NUMA1: variants seen among roughly 807,000 people sequenced by gnomAD.
NUMA1 encodes the protein SP-H antigen.
In NUMA1, 62 loss-of-function variants were observed where a neutral mutation model predicts 237.1. That is an observed-to-expected ratio of 0.26 (90% CI 0.21 to 0.32). The LOEUF is 0.32. Among genes scored for constraint, NUMA1 ranks in the 10% least tolerant of loss-of-function variants. The pLI is 1.00. For synonymous variants in NUMA1, 1,028 were observed against 1,066.1 expected, an observed-to-expected ratio of 0.96 and a Z score of 0.70; for missense variants, 2,533 against 2,666.5, an observed-to-expected ratio of 0.95 and a Z score of 1.10.
At chr11:72,043,357 CTT>C (rs35559801) in intron 2 of NUMA1, among the ~76,000 whole-genome samples, 2,547 of 105,594 alleles carry the variant, frequency 0.024, 94 homozygotes, top group African/African-American at 0.078. Flanking sequence ...AGGCGGAGTT[CTT>C]TTTTTTTTTT....
At chr11:72,025,903 A>T (rs1220603122) in intron 4 of NUMA1, among the ~76,000 whole-genome samples, 1 of 152,158 alleles carries the variant, frequency 6.6e-6, no homozygotes, top group Non-Finnish European at 1.5e-5. Context: ...CTACCCACCC[A>T]CAATCTGGAA....
chr11:72,064,350 T>TA (rs1185127419), intron 2 of NUMA1, among the ~76,000 whole-genome samples: 2 of 151,118 alleles, frequency 1.3e-5, no homozygotes, highest in African/African-American at 4.9e-5. Flanking sequence ...GTAGTTCAGC[T>TA]ACTTGGGAAG....
Position 72,004,314 on chromosome 11 carries a change from G to A in NUMA1, c.6034C>T (p.Arg2012Cys), listed in dbSNP as rs11538639. ...ESKKATSCFPRPMTPRDRHEG... is the reference protein window; with the variant it reads ...ESKKATSCFPCPMTPRDRHEG... Reference sequence around the variant, plus strand: ...TGTCGGTCTCGGGGAGTCATGGGGCGTGGGAAACAGCTGGTGGCCTTCTTA... The same window carrying A: ...TGTCGGTCTCGGGGAGTCATGGGGCATGGGAAACAGCTGGTGGCCTTCTTA... The change falls in exon 25 of 27, where the codon CGC becomes TGC. Residue 2012 changes from arginine to cysteine, a missense_variant. Physicochemically the swap from Arg to Cys is radical, Grantham distance 180 (BLOSUM62 -3). This residue lies in a region of NUMA1 where 795 missense variants were observed against 750.8 expected (regional missense o/e 1.06). Coordinates refer to ENST00000393695, the MANE Select transcript of NUMA1 (RefSeq NM_006185.4). The A allele has an allele frequency of 2.0e-5, 32 of 1,613,082 alleles. No homozygotes were observed. The highest frequency in any genetic ancestry group is 5.0e-5 in the Admixed American group (3 of 59,524).
intron 24 of NUMA1, 121 bp downstream of exon 24, chr11:72,004,519 G>A: frequency 7.9e-7 from 1 of 1,268,536 alleles, no homozygotes; most frequent in Non-Finnish European, 1.1e-6. Context: ...TCAGGCCCTT[G>A]GAGAGAGGGA....
At chr11:72,004,958 T>G (rs1955588057) in intron 23 of NUMA1, 142 bp from the exon 24 acceptor site, 2 of 880,996 alleles carry the variant, frequency 2.3e-6, no homozygotes, top group Middle Eastern at 3.5e-4. Context: ...ACACAAGGCC[T>G]CCTTTCCTGT....
At position 72,013,107 on chromosome 11, in the gene NUMA1, C is replaced by G; in HGVS notation, c.4396G>C (p.Glu1466Gln). Residue 1466 changes from glutamate (E) to glutamine (Q), a missense_variant, in exon 15 of 27, where the codon GAA becomes CAA. By Grantham distance (29) the Glu-to-Gln change is conservative (BLOSUM62 2). This residue lies in a region of NUMA1 where 324 missense variants were observed against 407.6 expected (regional missense o/e 0.79). Transcript: ENST00000393695. The surrounding 1 kb of genome is among the most constrained non-coding windows in gnomAD (Gnocchi z 6.8). ...TCCCGGGCCTGGTCCAACTCCACTT[C>G]CAGAAACTGCCGGCCAAGGTTGGCC... ...ERANLGRQFLEVELDQAREKY... is the reference protein window; with the variant it reads ...ERANLGRQFLQVELDQAREKY... The G allele has an allele frequency of 6.2e-7, 1 of 1,614,216 alleles. No homozygotes were observed. Among genetic ancestry groups the G allele is most frequent in the Non-Finnish European group, 8.5e-7 (1 of 1,180,038 alleles).
intron 2 of NUMA1, chr11:72,040,718 G>A (rs918612967): frequency 4.6e-5 from 7 of 152,186 alleles, no homozygotes; most frequent in African/African-American, 1.7e-4. Flanking sequence ...TCTACGCAAG[G>A]GGGAAAGAAA....
At chr11:72,032,158 C>T (rs979860354) in intron 3 of NUMA1, among the ~76,000 whole-genome samples, 4 of 151,948 alleles carry the variant, frequency 2.6e-5, no homozygotes, top group African/African-American at 4.8e-5. Flanking sequence ...AAGACCCTAT[C>T]TCAAAAAGCG....
At chr11:72,071,543 C>T (rs1465454560) in intron 1 of NUMA1, among the ~76,000 whole-genome samples, 1 of 152,090 alleles carries the variant, frequency 6.6e-6, no homozygotes, top group Admixed American at 6.5e-5. Flanking sequence ...TCAATGAATC[C>T]TGAATTTTAA....
At chr11:72,048,673 G>A (rs934744055) in intron 2 of NUMA1, among the ~76,000 whole-genome samples, 17 of 151,936 alleles carry the variant, frequency 1.1e-4, no homozygotes, top group Non-Finnish European at 2.2e-4. Flanking sequence ...GTGCCAGGCC[G>A]AAAATCAGCT....
intron 2 of NUMA1, chr11:72,066,771 T>A (rs1341099312): frequency 1.3e-5 from 2 of 152,268 alleles, no homozygotes; most frequent in African/African-American, 4.8e-5. Context: ...GTAATACTTG[T>A]TTCATTTTAC....
chr11:72,051,587 T>C (rs1220748229), intron 2 of NUMA1, among the ~76,000 whole-genome samples: 4 of 151,192 alleles, frequency 2.6e-5, no homozygotes, highest in Non-Finnish European at 4.4e-5. Flanking sequence ...CCTCCCTACC[T>C]CAGCCTCCCA....
At chr11:72,022,221 A>T (rs1335245507) in intron 7 of NUMA1, 118 bp downstream of exon 7, 3 of 597,204 alleles carry the variant, frequency 5.0e-6, no homozygotes, top group Non-Finnish European at 8.8e-6. Context: ...ATGAATGGCA[A>T]TAATTGCTAT....
intron 3 of NUMA1, among the ~76,000 whole-genome samples, chr11:72,034,408 C>T (rs1940744091): frequency 2.0e-5 from 3 of 151,672 alleles, no homozygotes; most frequent in Admixed American, 2.0e-4. Context: ...AAATCATCCC[C>T]ATTAAAAAAA....
At chr11:72,007,699 T>TCA in intron 20 of NUMA1, 1 of 522,740 alleles carries the variant, frequency 1.9e-6, no homozygotes, top group Admixed American at 3.5e-5. Flanking sequence ...CATGGCTGCT[T>TCA]CACAGCAAAC....
At chr11:72,058,809 C>T (rs1321810875) in intron 2 of NUMA1, among the ~76,000 whole-genome samples, 1 of 152,084 alleles carries the variant, frequency 6.6e-6, no homozygotes. Flanking sequence ...ACATGCTATC[C>T]CCCTCCTCCC....
rs749408043 is a variant in NUMA1, at chr11:72,013,943, G to C, written c.3560C>G (p.Ser1187Trp). Residue 1187 changes from serine (S) to tryptophan (W), a missense_variant, in exon 15 of 27, where the codon TCG becomes TGG. Physicochemically the swap from Ser to Trp is radical, Grantham distance 177. Transcript: ENST00000393695. The surrounding 1 kb of genome is among the most constrained non-coding windows in gnomAD (Gnocchi z 6.8). ...ELGHSQSALA[S>W]AQRELAAFRT... is the part of the protein sequence containing the mutation. ...GAAGGCAGCCAACTCCCGTTGGGCCGAGGCTAAGGCACTCTGACTGTGCCC... is the reference window on the plus strand; with the variant it reads ...GAAGGCAGCCAACTCCCGTTGGGCCCAGGCTAAGGCACTCTGACTGTGCCC... 7.4e-6 allele frequency: 12 copies of C among 1,613,722 alleles called. No homozygotes were observed. The highest frequency in any genetic ancestry group is 9.3e-6 in the Non-Finnish European group (11 of 1,180,034).
In NUMA1 at chr11:72,029,240, C is replaced by A. The variant is rs1939980514; in HGVS notation, c.93G>T (p.Gln31His). The change falls in exon 4 of 27, where the codon CAG becomes CAT. Residue 31 changes from glutamine to histidine, a missense_variant. Gln to His is a conservative substitution (Grantham distance 24). Around this residue, in one of 3 missense-constraint regions of NUMA1, gnomAD observed 1,414 missense variants for 1,508.1 expected, o/e 0.94. Coordinates refer to ENST00000393695, the MANE Select transcript of NUMA1 (RefSeq NM_006185.4). ...ADPVEAVLQLQDCSIFIKIID... is the reference protein window; with the variant it reads ...ADPVEAVLQLHDCSIFIKIID... Reference sequence around the variant, plus strand: ...TGATCTTGATGAAGATGCTGCAGTCCTGGAGCTGCAGCACAGCCTCCACAG... The same window carrying A: ...TGATCTTGATGAAGATGCTGCAGTCATGGAGCTGCAGCACAGCCTCCACAG... The A allele has an allele frequency of 6.2e-7, 1 of 1,611,358 alleles. No individual in the cohort carries two copies. Among genetic ancestry groups the A allele is most frequent in the Non-Finnish European group, 8.5e-7 (1 of 1,179,844 alleles).
intron 3 of NUMA1, among the ~76,000 whole-genome samples, chr11:72,031,988 AAGAG>A (rs1243055239): frequency 0.12 from 4,295 of 34,484 alleles, 220 homozygotes; most frequent in African/African-American, 0.23. Flanking sequence ...AAAAAAAAAA[AAGAG>A]AGAGAAAGGA....
Sources: gnomAD v4.1 joint callset for allele counts (sites outside exome capture counted in the v4.1 genomes callset) on GRCh38, gnomAD v4.1.1 for gene constraint, gnomAD v4.1.1 regional missense constraint, Gnocchi (gnomAD v3.1) non-coding constraint, MANE v1.5 for transcripts, NCBI Gene and HGNC (gene_info 2026-07-23, HGNC 2026-07-21) for gene names.